NKAIN3: variants seen among roughly 807,000 people sequenced by gnomAD.
The protein encoded by NKAIN3 is sodium/potassium transporting ATPase interacting 3, also known as sodium/potassium-transporting ATPase subunit beta-1-interacting protein 3.
A neutral mutation model predicts 30.2 loss-of-function variants in NKAIN3; 25 were observed. The observed-to-expected ratio is 0.83, with a 90% CI of 0.60 to 1.16. The LOEUF (loss-of-function observed/expected upper bound fraction) is 1.16, where lower values mean the gene tolerates loss of function less well. Among genes scored for constraint, NKAIN3 ranks in the 50% most tolerant of loss-of-function variants. The probability of loss-of-function intolerance (pLI) is 0.00; values close to 1 mark genes in which losing one functional copy is unlikely to be tolerated. For missense variants in NKAIN3, 225 were observed against 254.1 expected (o/e 0.89, Z 0.78); for synonymous variants, 91 against 89.6 (o/e 1.02, Z -0.09).
intron 1 of NKAIN3, among the ~76,000 whole-genome samples, chr8:62,474,654 T>C (rs1173454115): frequency 2.0e-5 from 3 of 152,264 alleles, no homozygotes; most frequent in East Asian, 3.9e-4. Flanking sequence ...CAATCTAAAA[T>C]GTTGTATACT....
At chr8:62,642,487 G>T (rs918012417) in intron 3 of NKAIN3, among the ~76,000 whole-genome samples, 1 of 152,016 alleles carries the variant, frequency 6.6e-6, no homozygotes, top group African/African-American at 2.4e-5. Context: ...TGACTGCCAG[G>T]TTCTCAAAGG....
At chr8:62,582,630 G>A (rs1271158780) in intron 2 of NKAIN3, among the ~76,000 whole-genome samples, 2 of 152,074 alleles carry the variant, frequency 1.3e-5, no homozygotes, top group African/African-American at 4.8e-5. Context: ...GCACCACAAG[G>A]TCCATAGAAG....
chr8:62,304,606 G>C (rs1449233514), intron 1 of NKAIN3, among the ~76,000 whole-genome samples: 1 of 150,488 alleles, frequency 6.6e-6, no homozygotes, highest in East Asian at 1.9e-4. Context: ...AATGAAGCAA[G>C]AATGGGGAAT....
intron 3 of NKAIN3, among the ~76,000 whole-genome samples, chr8:62,664,604 C>A (rs1216812270): frequency 3.3e-5 from 5 of 152,148 alleles, no homozygotes; most frequent in Non-Finnish European, 7.3e-5. Flanking sequence ...ATTACTGCAA[C>A]TTCCCAGCCA....
intron 1 of NKAIN3, among the ~76,000 whole-genome samples, chr8:62,430,595 C>A (rs1161287555): frequency 6.6e-6 from 1 of 151,664 alleles, no homozygotes; most frequent in Non-Finnish European, 1.5e-5. Context: ...CATTCTCATG[C>A]CTTCATTTTT....
At chr8:62,814,289 T>G (rs1443698647) in intron 4 of NKAIN3, among the ~76,000 whole-genome samples, 1 of 151,658 alleles carries the variant, frequency 6.6e-6, no homozygotes, top group Non-Finnish European at 1.5e-5. Flanking sequence ...ATTCTTTCAC[T>G]TAATTATGTT....
At chr8:62,625,949 C>T (rs1586023163) in intron 3 of NKAIN3, among the ~76,000 whole-genome samples, 3 of 151,528 alleles carry the variant, frequency 2.0e-5, no homozygotes, top group Admixed American at 1.3e-4. Context: ...ACATAATTGA[C>T]AAAAAAAATC....
At chr8:62,326,400 T>A (rs1210446729) in intron 1 of NKAIN3, among the ~76,000 whole-genome samples, 1 of 151,908 alleles carries the variant, frequency 6.6e-6, no homozygotes, top group African/African-American at 2.4e-5. Flanking sequence ...TTTGTTACAT[T>A]TCTGGAAAAG....
intron 4 of NKAIN3, among the ~76,000 whole-genome samples, chr8:62,781,451 A>G (rs980933104): frequency 1.3e-5 from 2 of 151,976 alleles, no homozygotes; most frequent in African/African-American, 2.4e-5. Context: ...GGAATAAAAA[A>G]TGAGCCAGAA....
At chr8:62,748,257 C>T (rs992543195) in intron 4 of NKAIN3, among the ~76,000 whole-genome samples, 1 of 152,044 alleles carries the variant, frequency 6.6e-6, no homozygotes, top group East Asian at 1.9e-4. Flanking sequence ...TTTGCTGGGA[C>T]TGGAATGTCC....
At chr8:62,618,833 G>T (rs988891215) in intron 3 of NKAIN3, among the ~76,000 whole-genome samples, 1 of 152,086 alleles carries the variant, frequency 6.6e-6, no homozygotes, top group Admixed American at 6.6e-5. Context: ...TTGAACCCAG[G>T]AGGCAGAGGT....
intron 4 of NKAIN3, among the ~76,000 whole-genome samples, chr8:62,878,757 C>T (rs545410544): frequency 9.4e-5 from 14 of 148,628 alleles, no homozygotes; most frequent in Non-Finnish European, 1.2e-4. Flanking sequence ...TGAGAACATG[C>T]GGTGTTTGGT....
intron 4 of NKAIN3, among the ~76,000 whole-genome samples, chr8:62,905,246 G>A (rs1205647792): frequency 6.6e-6 from 1 of 152,136 alleles, no homozygotes; most frequent in Non-Finnish European, 1.5e-5. Context: ...GTGTACTCAG[G>A]GAGTTGGAGT....
At chr8:62,939,676 G>T (rs1186973669) in intron 5 of NKAIN3, among the ~76,000 whole-genome samples, 1 of 151,972 alleles carries the variant, frequency 6.6e-6, no homozygotes, top group African/African-American at 2.4e-5. Context: ...TGAAAAAAAA[G>T]ATATAGTCTT....
At position 62,701,106 on chromosome 8, in the gene NKAIN3, T is replaced by C. The variant is rs1814317407; in HGVS notation, c.274-45826T>C. On this transcript the variant is annotated intron_variant, in intron 3 of 6. Transcript: ENST00000623646. ...GCCAGATTTACCTTTTATTAATCCC[T>C]GTTTGTTGCTTAGGGATTTTATCAC... 2.0e-5 allele frequency among the ~76,000 whole-genome samples: 3 copies of C among 152,228 alleles called. No individual in the cohort carries two copies. In the South Asian group the frequency reaches 6.2e-4, roughly 31 times the overall value.
chr8:62,506,356 G>A (rs1001160432), intron 1 of NKAIN3, among the ~76,000 whole-genome samples: 6 of 151,786 alleles, frequency 4.0e-5, no homozygotes, highest in Admixed American at 1.3e-4. Context: ...CACCCCTCCC[G>A]TAAAACAACA....
intron 4 of NKAIN3, among the ~76,000 whole-genome samples, chr8:62,913,521 T>A (rs1821988464): frequency 6.6e-6 from 1 of 152,228 alleles, no homozygotes; most frequent in Non-Finnish European, 1.5e-5. Flanking sequence ...ATAATGCAGT[T>A]AGCAGTGACG....
intron 5 of NKAIN3, among the ~76,000 whole-genome samples, chr8:62,950,496 C>T (rs1823251464): frequency 6.6e-6 from 1 of 152,044 alleles, no homozygotes; most frequent in South Asian, 2.1e-4. Flanking sequence ...TTTTTGTAGT[C>T]TTGTCTAGTT....
At chr8:62,295,144 T>C (rs916449500) in intron 1 of NKAIN3, among the ~76,000 whole-genome samples, 6 of 152,150 alleles carry the variant, frequency 3.9e-5, no homozygotes, top group Non-Finnish European at 8.8e-5. Context: ...TTCTTTGGAT[T>C]TGTTTTGGTG....
Sources: gnomAD v4.1 joint callset for allele counts (sites outside exome capture counted in the v4.1 genomes callset) on GRCh38, gnomAD v4.1.1 for gene constraint, MANE v1.5 for transcripts, NCBI Gene and HGNC (gene_info 2026-07-23, HGNC 2026-07-21) for gene names.